CERT1: variants seen among roughly 807,000 people sequenced by gnomAD.
The protein encoded by CERT1 is ceramide transfer protein.
Under a neutral mutation model 87.9 loss-of-function variants are expected in CERT1, and 31 were observed. That is an observed-to-expected ratio of 0.35 (90% CI 0.27 to 0.48). The LOEUF (loss-of-function observed/expected upper bound fraction) is 0.48, where lower values mean the gene tolerates loss of function less well. CERT1 is among the 20% of genes least tolerant of loss of function. The pLI is 0.99. For missense variants in CERT1, 487 were observed against 758.0 expected, an observed-to-expected ratio of 0.64 and a Z score of 4.20; for synonymous variants, 289 against 250.9, an observed-to-expected ratio of 1.15 and a Z score of -1.44.
chr5:75,456,086 C>T (rs771979512), intron 3 of CERT1, among the ~76,000 whole-genome samples: 2 of 152,100 alleles, frequency 1.3e-5, no homozygotes, highest in Non-Finnish European at 2.9e-5. Context: ...TTAGCTTCCA[C>T]AATCAATATT....
chr5:75,474,878 TATTAG>T (rs1765890933), intron 2 of CERT1, among the ~76,000 whole-genome samples: 1 of 148,502 alleles, frequency 6.7e-6, no homozygotes, highest in South Asian at 2.2e-4. Flanking sequence ...TCATGTAGTC[TATTAG>T]ACTATATGAG....
chr5:75,395,304 T>C (rs865812234), intron 11 of CERT1, among the ~76,000 whole-genome samples: 2 of 152,142 alleles, frequency 1.3e-5, no homozygotes, highest in Admixed American at 6.6e-5. Flanking sequence ...ACCTGAAAAT[T>C]ATTTTCTAGT....
intron 2 of CERT1, among the ~76,000 whole-genome samples, chr5:75,461,358 G>T (rs977952347): frequency 2.0e-5 from 3 of 152,204 alleles, no homozygotes; most frequent in African/African-American, 7.2e-5. Context: ...TCTAATGGTT[G>T]ATGATCTGAG....
At chr5:75,397,251 C>A (rs1294959670) in intron 11 of CERT1, among the ~76,000 whole-genome samples, 1 of 152,094 alleles carries the variant, frequency 6.6e-6, no homozygotes, top group Non-Finnish European at 1.5e-5. Flanking sequence ...CCTCTTCTGG[C>A]ATATAAAACA....
chr5:75,511,194 T>G lies in CERT1; in HGVS notation c.14A>C (p.Gln5Pro), dbSNP rs1308210402. 6.2e-7 allele frequency: 1 copy of G among 1,613,126 alleles called. No individual in the cohort carries two copies. The highest frequency in any genetic ancestry group is 8.5e-7 in the Non-Finnish European group (1 of 1,179,906). ...CTCCGAGCCCGACGAGTTCCAGCTCTGATTATCCGACATGGAGGCTCGACA... is the reference window on the plus strand; with the variant it reads ...CTCCGAGCCCGACGAGTTCCAGCTCGGATTATCCGACATGGAGGCTCGACA... MSDN[Q>P]SWNSSGSEED... Residue 5 changes from glutamine to proline, a missense_variant, in exon 1 of 17, where the codon CAG becomes CCG. Gln to Pro is a moderately conservative substitution (Grantham distance 76, BLOSUM62 -1). Coordinates refer to ENST00000643780, the MANE Select transcript of CERT1 (RefSeq NM_001379029.1).
chr5:75,393,749 A>G (rs200425849), intron 11 of CERT1, among the ~76,000 whole-genome samples: 6 of 151,640 alleles, frequency 4.0e-5, no homozygotes, highest in South Asian at 4.2e-4. Flanking sequence ...GCGGACCACG[A>G]GGTCAAGAGA....
intron 5 of CERT1, among the ~76,000 whole-genome samples, chr5:75,419,817 G>A (rs1763295478): frequency 6.6e-6 from 1 of 152,008 alleles, no homozygotes; most frequent in Admixed American, 6.6e-5. Context: ...TTTGTGTAAG[G>A]GAAGGTTACT....
Position 75,400,258 on chromosome 5 carries a change from A to T in CERT1, c.1057T>A (p.Leu353Met), listed in dbSNP as rs766823774. 3 of 1,613,842 alleles carry T rather than the reference A, an allele frequency of 1.9e-6. No homozygotes were observed. The highest frequency in any genetic ancestry group is 2.5e-6 in the Non-Finnish European group (3 of 1,179,690). Reference protein sequence around the residue: ...EKVRLHWPTSLPSGDAFSSVG... With the variant: ...EKVRLHWPTSMPSGDAFSSVG... The stretch of plus-strand genomic sequence containing the variant: ...GAAGAAAAGGCATCTCCAGAGGGCA[A>T]GGATGTAGGCCAATGTAATCTCACC... Residue 353 changes from leucine to methionine, a missense_variant, in exon 10 of 17, where the codon TTG (leucine) becomes ATG (methionine). Physicochemically the swap from Leu to Met is conservative, Grantham distance 15. Transcript: ENST00000643780.
At chr5:75,470,815 T>C (rs1283231269) in intron 2 of CERT1, among the ~76,000 whole-genome samples, 13 of 152,174 alleles carry the variant, frequency 8.5e-5, no homozygotes, top group Non-Finnish European at 1.9e-4. Flanking sequence ...GCAGATTACA[T>C]GACCCTTATA....
intron 11 of CERT1, among the ~76,000 whole-genome samples, chr5:75,394,619 G>A (rs921227439): frequency 6.6e-6 from 1 of 152,194 alleles, no homozygotes; most frequent in Non-Finnish European, 1.5e-5. Flanking sequence ...CCGCTACTGA[G>A]GAGACTGAGG....
chr5:75,441,648 C>A (rs1422882499), intron 3 of CERT1, among the ~76,000 whole-genome samples: 1 of 152,182 alleles, frequency 6.6e-6, no homozygotes, highest in African/African-American at 2.4e-5. Flanking sequence ...ACTCTATGCA[C>A]CCAATATGAG....
At chr5:75,433,854 C>T (rs1017445690) in intron 3 of CERT1, among the ~76,000 whole-genome samples, 2 of 152,060 alleles carry the variant, frequency 1.3e-5, no homozygotes, top group Non-Finnish European at 2.9e-5. Flanking sequence ...TGATATTATA[C>T]CCTGAATTTG....
rs1385967903 is a variant in CERT1 at position 75,511,095 on chromosome 5, C to T, written c.96+17G>A. ...GTGAGTCTGGCCAGGGGTCCCTTGG[C>T]ACCAGGGGTTGCTCACCTTACTGAG... On this transcript the variant is annotated intron_variant, in intron 1 of 16. Transcript: ENST00000643780. The T allele has an allele frequency of 2.0e-6, 3 of 1,535,292 alleles. No homozygotes were observed. Among genetic ancestry groups the T allele is most frequent in the Non-Finnish European group, 2.6e-6 (3 of 1,141,426 alleles).
At chr5:75,484,614 T>C (rs938582545) in intron 2 of CERT1, among the ~76,000 whole-genome samples, 1 of 151,560 alleles carries the variant, frequency 6.6e-6, no homozygotes, top group African/African-American at 2.4e-5. Flanking sequence ...TAGACAACAT[T>C]TCAAGACAAA....
At chr5:75,437,748 AG>A (rs1324903106) in intron 3 of CERT1, among the ~76,000 whole-genome samples, 4 of 149,982 alleles carry the variant, frequency 2.7e-5, no homozygotes, top group African/African-American at 9.8e-5. Flanking sequence ...CCTGGGCAAC[AG>A]AGTGAGACTC....
At chr5:75,439,554 T>C (rs776976919) in intron 3 of CERT1, among the ~76,000 whole-genome samples, 21 of 152,060 alleles carry the variant, frequency 1.4e-4, no homozygotes, top group Admixed American at 6.5e-5. Flanking sequence ...AACTACATTG[T>C]CTCTCTCCAT....
At chr5:75,409,913 G>T (rs1253356489) in intron 8 of CERT1, among the ~76,000 whole-genome samples, 1 of 151,462 alleles carries the variant, frequency 6.6e-6, no homozygotes, top group Non-Finnish European at 1.5e-5. Flanking sequence ...GCTCACTGCA[G>T]TCTTGGGCTC....
chr5:75,431,147 T>C (rs1300946050), intron 3 of CERT1, among the ~76,000 whole-genome samples: 2 of 152,172 alleles, frequency 1.3e-5, no homozygotes, highest in African/African-American at 2.4e-5. Flanking sequence ...TGGTATAAAA[T>C]AATTTCATCA....
At chr5:75,418,300 C>A (rs1413113164) in intron 6 of CERT1, among the ~76,000 whole-genome samples, 3 of 152,016 alleles carry the variant, frequency 2.0e-5, no homozygotes, top group Non-Finnish European at 4.4e-5. Context: ...CAAATTAAAA[C>A]CACAATGACA....
Sources: gnomAD v4.1 joint callset for allele counts (sites outside exome capture counted in the v4.1 genomes callset) on GRCh38, gnomAD v4.1.1 for gene constraint, MANE v1.5 for transcripts, NCBI Gene and HGNC (gene_info 2026-07-23, HGNC 2026-07-21) for gene names.